ZNF385D: variants seen among roughly 807,000 people sequenced by gnomAD.
ZNF385D encodes zinc finger protein 385D.
Under a neutral mutation model 35.8 loss-of-function variants are expected in ZNF385D, and 15 were observed. The observed-to-expected ratio is 0.42, with a 90% CI of 0.28 to 0.64. The LOEUF (loss-of-function observed/expected upper bound fraction) is 0.64, where lower values mean the gene tolerates loss of function less well. ZNF385D is among the 30% of genes least tolerant of loss of function. The probability of loss-of-function intolerance (pLI) is 0.23; values close to 1 mark genes in which losing one functional copy is unlikely to be tolerated. For missense variants in ZNF385D, 474 were observed against 494.6 expected, an observed-to-expected ratio of 0.96 and a Z score of 0.39; for synonymous variants, 212 against 186.8, an observed-to-expected ratio of 1.13 and a Z score of -1.10.
At chr3:21,836,230 C>T (rs1252826554) in intron 3 of ZNF385D, among the ~76,000 whole-genome samples, 1 of 152,032 alleles carries the variant, frequency 6.6e-6, no homozygotes, top group Non-Finnish European at 1.5e-5. Context: ...AAAGAGATAT[C>T]AAGAGAAAAA....
At chr3:21,824,200 C>T (rs546003691) in intron 3 of ZNF385D, among the ~76,000 whole-genome samples, 44 of 152,176 alleles carry the variant, frequency 2.9e-4, no homozygotes, top group Non-Finnish European at 5.3e-4. Flanking sequence ...CCTGAGACTT[C>T]TGAGCAAAAC....
intron 3 of ZNF385D, among the ~76,000 whole-genome samples, chr3:21,855,826 A>T (rs1387204300): frequency 6.6e-6 from 1 of 152,042 alleles, no homozygotes; most frequent in Non-Finnish European, 1.5e-5. Flanking sequence ...TTGACTCTTC[A>T]TAATAATGAA....
At chr3:22,332,276 G>T (rs1301319336) in intron 2 of ZNF385D, among the ~76,000 whole-genome samples, 2 of 152,028 alleles carry the variant, frequency 1.3e-5, no homozygotes, top group African/African-American at 4.8e-5. Flanking sequence ...TACGGTAGCA[G>T]GTTTATTTGT....
Position 21,600,768 on chromosome 3 carries a change from A to C in ZNF385D, c.166-36084T>G, listed in dbSNP as rs185696583. Among the ~76,000 whole-genome samples the C allele has an allele frequency of 2.2e-4, 33 of 152,280 alleles. No individual in the cohort carries two copies. In the East Asian group the frequency reaches 6.4e-3, roughly 29 times the overall value. ...TAACAGTGTATTCATAAAAATAGAA[A>C]AGGATGCTGATGAATATCCAAAAGA... On this transcript the variant is annotated intron_variant, in intron 2 of 7. Transcript: ENST00000281523.
At chr3:21,557,734 T>C (rs2062791119) in intron 3 of ZNF385D, among the ~76,000 whole-genome samples, 1 of 152,322 alleles carries the variant, frequency 6.6e-6, no homozygotes, top group Non-Finnish European at 1.5e-5. Context: ...TCAGAAGGAA[T>C]GGTACCACTT....
intron 3 of ZNF385D, among the ~76,000 whole-genome samples, chr3:21,999,629 A>T (rs1695709297): frequency 6.6e-6 from 1 of 152,162 alleles, no homozygotes; most frequent in Non-Finnish European, 1.5e-5. Flanking sequence ...ACCACCTCTG[A>T]CACTCAGTGT....
At chr3:22,257,649 A>G (rs1366552439) in intron 2 of ZNF385D, among the ~76,000 whole-genome samples, 1 of 151,838 alleles carries the variant, frequency 6.6e-6, no homozygotes, top group Non-Finnish European at 1.5e-5. Flanking sequence ...CCAGCATCTG[A>G]GTGAAGGATG....
chr3:22,096,349 C>A lies in ZNF385D; in HGVS notation c.325+72468G>T, dbSNP rs560866368. The stretch of plus-strand genomic sequence containing the variant: ...AACTATTTTTTTAAATAAATAAATA[C>A]AAATTTTTTTAAAAGAAAAAAACTG... On this transcript the variant is annotated intron_variant, in intron 3 of 5. Transcript: ENST00000494108. 7.8e-3 allele frequency among the ~76,000 whole-genome samples: 1,065 copies of A among 136,418 alleles called. 6 individuals carry two copies. The highest frequency in any genetic ancestry group is 0.018 in the Middle Eastern group (5 of 272). The allele number at this position is 136,418 out of a possible 152,430, so 89.5% of individuals were successfully genotyped here. A position where few individuals can be genotyped will look rare whatever the true frequency, so the allele number is the denominator to read the frequency against.
intron 2 of ZNF385D, among the ~76,000 whole-genome samples, chr3:21,634,040 T>G (rs564651384): frequency 1.8e-4 from 28 of 151,460 alleles, no homozygotes; most frequent in Admixed American, 3.3e-4. Context: ...CTGCAAAAAA[T>G]ACAAAAAATA....
At chr3:21,965,481 C>T (rs676651) in intron 3 of ZNF385D, among the ~76,000 whole-genome samples, 20,704 of 151,946 alleles carry the variant, frequency 0.14, 3,384 homozygotes, top group African/African-American at 0.39. Context: ...AGAAAAAAAA[C>T]TGAAGAACAT....
intron 2 of ZNF385D, among the ~76,000 whole-genome samples, chr3:22,193,349 C>T (rs1025876958): frequency 4.6e-5 from 7 of 151,910 alleles, no homozygotes; most frequent in Non-Finnish European, 1.0e-4. Flanking sequence ...TTTTCTATTA[C>T]AAAGTGATAC....
chr3:22,335,402 A>C (rs1004660549), intron 2 of ZNF385D, among the ~76,000 whole-genome samples: 2 of 152,126 alleles, frequency 1.3e-5, no homozygotes, highest in African/African-American at 4.8e-5. Context: ...AAAGCATTAG[A>C]TGTGGTCTAA....
upstream of ZNF385D, among the ~76,000 whole-genome samples, chr3:21,754,408 G>A (rs116827374): frequency 2.8e-3 from 431 of 152,244 alleles, 8 homozygotes; most frequent in African/African-American, 9.9e-3. Flanking sequence ...GGGGTCAGCT[G>A]TAGCACCAAC....
chr3:21,977,783 C>A (rs569741166), intron 3 of ZNF385D, among the ~76,000 whole-genome samples: 2 of 152,090 alleles, frequency 1.3e-5, no homozygotes, highest in South Asian at 4.2e-4. Context: ...TTACGGTGGG[C>A]CATGATCACA....
intron 2 of ZNF385D, among the ~76,000 whole-genome samples, chr3:21,663,282 A>T (rs2066292383): frequency 6.6e-6 from 1 of 152,202 alleles, no homozygotes; most frequent in Non-Finnish European, 1.5e-5. Flanking sequence ...GTTAAATGAT[A>T]TTCATTGTCA....
intron 3 of ZNF385D, among the ~76,000 whole-genome samples, chr3:22,038,388 A>T (rs1022360603): frequency 6.6e-6 from 1 of 152,164 alleles, no homozygotes; most frequent in East Asian, 1.9e-4. Flanking sequence ...TGGACTTGTT[A>T]CCTAATTTTT....
Position 21,626,860 on chromosome 3 carries a change from C to T in ZNF385D, c.165+38026G>A, listed in dbSNP as rs556891675. Among the ~76,000 whole-genome samples, 7 of 151,998 alleles carry T rather than the reference C, an allele frequency of 4.6e-5. No homozygotes were observed. In the South Asian group the frequency reaches 1.5e-3, roughly 32 times the overall value. On this transcript the variant is annotated intron_variant, in intron 2 of 7. Coordinates refer to ENST00000281523, the MANE Select transcript of ZNF385D (RefSeq NM_024697.3). The stretch of plus-strand genomic sequence containing the variant: ...AATTTATAAGTAGGCAGGGATCTCA[C>T]TGAGTGTCAGAGCCAGAGGCCAAGG...
rs557323133 is a variant in ZNF385D, at chr3:21,682,966, G to A, written c.23-17938C>T. ...GCTGACCCTGGTCCAGAGAGCACTG[G>A]CCCTCAAACTTTAGTGAGCATCAGA... is the stretch of plus-strand genomic sequence containing the variant. On this transcript the variant is annotated intron_variant, in intron 1 of 7. Transcript: ENST00000281523. Among the ~76,000 whole-genome samples, 38 of 149,978 alleles carry A rather than the reference G, an allele frequency of 2.5e-4. 3 individuals are homozygous for A. The South Asian group carries it at 7.8e-3, about 31-fold the overall frequency.
At chr3:22,176,183 A>G (rs1038067091) in intron 2 of ZNF385D, among the ~76,000 whole-genome samples, 1 of 151,882 alleles carries the variant, frequency 6.6e-6, no homozygotes, top group African/African-American at 2.4e-5. Flanking sequence ...TTCTAACACA[A>G]CATTCAGCTT....
Sources: allele counts gnomAD v4.1 joint callset (sites outside exome capture counted in the v4.1 genomes callset), GRCh38; gene constraint gnomAD v4.1.1; transcripts MANE v1.5; gene names NCBI Gene and HGNC (gene_info 2026-07-23, HGNC 2026-07-21).